Variants in INPP4B observed in about 807,000 individuals in gnomAD.
INPP4B encodes inositol polyphosphate-4-phosphatase type II B.
INPP4B carries 55 observed loss-of-function variants against 122.5 expected under a neutral mutation model. The observed-to-expected ratio is 0.45, with a 90% confidence interval of 0.36 to 0.56. The LOEUF (loss-of-function observed/expected upper bound fraction) is 0.56. Ranked by LOEUF, INPP4B falls within the 20% of genes least tolerant of loss-of-function variation. INPP4B has a pLI of 0.00. For missense variants in INPP4B, 1,000 were observed against 1,097.7 expected, an observed-to-expected ratio of 0.91 and a Z score of 1.26; for synonymous variants, 403 against 388.7, an observed-to-expected ratio of 1.04 and a Z score of -0.43.
intron 2 of INPP4B, among the ~76,000 whole-genome samples, chr4:142,471,657 A>G (rs1818850648): frequency 6.6e-6 from 1 of 152,224 alleles, no homozygotes; most frequent in South Asian, 2.1e-4. Context: ...CCTGAGGCCC[A>G]GCATCAGCAG....
chr4:142,069,145 G>T (rs997859702), intron 25 of INPP4B, among the ~76,000 whole-genome samples: 3 of 152,112 alleles, frequency 2.0e-5, no homozygotes, highest in African/African-American at 7.2e-5. Context: ...TCAGACCACA[G>T]TGCAATCAAA....
At chr4:142,649,410 A>G (rs1401955494) in intron 2 of INPP4B, among the ~76,000 whole-genome samples, 1 of 152,228 alleles carries the variant, frequency 6.6e-6, no homozygotes, top group Non-Finnish European at 1.5e-5. Context: ...AAGGTCGGTA[A>G]TAACAAACTT....
At chr4:142,040,609 TAGGGG>T (rs1373584612) in intron 25 of INPP4B, among the ~76,000 whole-genome samples, 2 of 152,148 alleles carry the variant, frequency 1.3e-5, no homozygotes, top group Non-Finnish European at 2.9e-5. Context: ...GAAAGATAAA[TAGGGG>T]ATTTCTACAA....
chr4:142,683,349 T>A (rs1015463054), intron 2 of INPP4B, among the ~76,000 whole-genome samples: 5 of 151,758 alleles, frequency 3.3e-5, no homozygotes, highest in Admixed American at 2.6e-4. Context: ...ACTTTCCCCA[T>A]CAGGCAATGG....
intron 21 of INPP4B, among the ~76,000 whole-genome samples, chr4:142,115,525 G>T (rs557649043): frequency 2.6e-5 from 4 of 152,240 alleles, no homozygotes; most frequent in South Asian, 2.1e-4. Flanking sequence ...TTAAAGAAAA[G>T]AATTTTCAAC....
chr4:142,087,217 C>G (rs1442990303), intron 23 of INPP4B, among the ~76,000 whole-genome samples: 1 of 152,078 alleles, frequency 6.6e-6, no homozygotes, highest in Non-Finnish European at 1.5e-5. Context: ...AAAAATATAT[C>G]CTGCTTGAGA....
At chr4:142,283,909 A>C (rs894785426) in intron 9 of INPP4B, among the ~76,000 whole-genome samples, 1 of 152,132 alleles carries the variant, frequency 6.6e-6, no homozygotes, top group Non-Finnish European at 1.5e-5. Context: ...ATGAGGAGCA[A>C]CCAGCAAAAG....
At chr4:142,558,575 T>A (rs1037218577) in intron 2 of INPP4B, among the ~76,000 whole-genome samples, 11 of 151,854 alleles carry the variant, frequency 7.2e-5, no homozygotes, top group African/African-American at 2.7e-4. Context: ...TGTGCCACTG[T>A]TAACAAATTC....
intron 17 of INPP4B, among the ~76,000 whole-genome samples, chr4:142,151,211 T>C (rs1339494019): frequency 6.6e-6 from 1 of 152,198 alleles, no homozygotes; most frequent in Non-Finnish European, 1.5e-5. Context: ...GTTAGGTAAA[T>C]TGAGTTGCAC....
chr4:142,690,107 A>T (rs1187031834), intron 2 of INPP4B, among the ~76,000 whole-genome samples: 1 of 152,202 alleles, frequency 6.6e-6, no homozygotes, highest in African/African-American at 2.4e-5. Context: ...GTCACCATCA[A>T]TCAGCACCAT....
intron 7 of INPP4B, among the ~76,000 whole-genome samples, chr4:142,343,060 C>T (rs1779176843): frequency 6.6e-6 from 1 of 152,050 alleles, no homozygotes. Context: ...GAATCAAGTA[C>T]AAATCAACAT....
intron 5 of INPP4B, among the ~76,000 whole-genome samples, chr4:142,428,039 C>A (rs756626922): frequency 6.6e-6 from 1 of 151,474 alleles, no homozygotes; most frequent in Non-Finnish European, 1.5e-5. Flanking sequence ...ATTTAAAAAT[C>A]TTTAATATTT....
In INPP4B at chr4:142,124,772, G is replaced by A. The variant is rs2152760549; in HGVS notation, c.1721-12C>T. ...TTCATACCAGTCCTCTGGGGGAAGG[G>A]GGTGTAAGAACAGTGCAATAGATGA... On this transcript the variant is annotated splice_polypyrimidine_tract_variant and intron_variant, in intron 18 of 25. Coordinates refer to ENST00000262992, the MANE Select transcript of INPP4B (RefSeq NM_001101669.3). 1 of 1,519,440 alleles carries A rather than the reference G, an allele frequency of 6.6e-7. No homozygotes were observed. The highest frequency in any genetic ancestry group is 8.9e-7 in the Non-Finnish European group (1 of 1,125,772). The allele number at this position is 1,519,440 out of a possible 1,614,324, so 94.1% of individuals were successfully genotyped here.
At chr4:142,361,198 A>T (rs2148540437) in intron 7 of INPP4B, among the ~76,000 whole-genome samples, 1 of 152,096 alleles carries the variant, frequency 6.6e-6, no homozygotes, top group Non-Finnish European at 1.5e-5. Context: ...ATCATTTAGA[A>T]GTACAAATAG....
rs141577199 is a variant in INPP4B, at chr4:142,362,908, G to A, written c.372+40030C>T. Among the ~76,000 whole-genome samples, 910 of 152,070 alleles carry A rather than the reference G, an allele frequency of 6.0e-3. 7 individuals are homozygous for A. Among genetic ancestry groups the A allele is most frequent in the Non-Finnish European group, 7.0e-3 (478 of 67,940 alleles). ...TTAGTACGTTCACTATTTGGGTGACGGAATCAATGGAAGCCCAAATCTCAG... is the reference window on the plus strand; with the variant it reads ...TTAGTACGTTCACTATTTGGGTGACAGAATCAATGGAAGCCCAAATCTCAG... On this transcript the variant is annotated intron_variant, in intron 7 of 25. Coordinates refer to ENST00000262992, the MANE Select transcript of INPP4B (RefSeq NM_001101669.3).
rs139268004 is a variant in INPP4B, at chr4:142,086,239, C to T, written c.2392G>A (p.Glu798Lys). The change falls in exon 24 of 26, where the codon GAA (glutamate) becomes AAA (lysine). Residue 798 changes from glutamate to lysine, a missense_variant. Coordinates refer to ENST00000262992, the MANE Select transcript of INPP4B (RefSeq NM_001101669.3). Reference protein sequence around the residue: ...MPPDYISHFQEQNDLKALLEN... With the variant: ...MPPDYISHFQKQNDLKALLEN... ...AGCAATGCTTTTAAATCATTTTGTT[C>T]CTGAAAATGTGAAATATCTGAAGGG... is the stretch of plus-strand genomic sequence containing the variant. 191 of 1,557,242 alleles carry T rather than the reference C, an allele frequency of 1.2e-4. No individual in the cohort carries two copies. The highest frequency in any genetic ancestry group is 1.6e-4 in the Non-Finnish European group (186 of 1,129,000).
intron 1 of INPP4B, among the ~76,000 whole-genome samples, chr4:142,769,043 G>A (rs755943156): frequency 6.6e-5 from 10 of 152,130 alleles, no homozygotes; most frequent in Non-Finnish European, 1.0e-4. Flanking sequence ...GAGTGGTAGT[G>A]AAGAGAAGAG....
chr4:142,397,821 G>C (rs111650643), intron 7 of INPP4B, among the ~76,000 whole-genome samples: 2,035 of 152,010 alleles, frequency 0.013, 44 homozygotes, highest in African/African-American at 0.047. Context: ...CCTGGTGACA[G>C]AGCGAGGCTC....
intron 23 of INPP4B, among the ~76,000 whole-genome samples, chr4:142,103,208 C>T (rs1478542843): frequency 3.3e-5 from 5 of 151,960 alleles, no homozygotes; most frequent in African/African-American, 7.2e-5. Context: ...CTCATTTTCA[C>T]GTGGATGGTA....
Sources: gnomAD v4.1 joint callset for allele counts (sites outside exome capture counted in the v4.1 genomes callset) on GRCh38, gnomAD v4.1.1 for gene constraint, MANE v1.5 for transcripts, NCBI Gene and HGNC (gene_info 2026-07-23, HGNC 2026-07-21) for gene names.